The following TRMT5 variants were observed in gnomAD, a reference collection of about 807,000 sequenced individuals.
TRMT5 encodes the protein tRNA (guanine(37)-N(1))-methyltransferase.
TRMT5 carries 31 observed loss-of-function variants against 42.2 expected under a neutral mutation model. The ratio of observed to expected loss-of-function variants is 0.73; its 90% CI spans 0.55 to 0.99. The LOEUF is 0.99. Among genes scored for constraint, TRMT5 ranks in the 50% least tolerant of loss-of-function variants. The pLI, the probability that TRMT5 is intolerant of heterozygous loss-of-function variation, is 0.00. For synonymous variants in TRMT5, 198 were observed against 209.6 expected, an observed-to-expected ratio of 0.94 and a Z score of 0.48; for missense variants, 568 against 595.0, an observed-to-expected ratio of 0.95 and a Z score of 0.47.
chr14:60,977,721 G>T, intron 2 of TRMT5, 83 bp from the exon 3 acceptor site: 2 of 1,355,674 alleles, frequency 1.5e-6, no homozygotes, highest in Non-Finnish European at 2.0e-6. Context: ...ACAGAAATGA[G>T]TTGTATTTCT....
chr14:60,979,452 T>A lies in TRMT5; in HGVS notation c.446A>T (p.Asp149Val), dbSNP rs1173547085. ...ACTGAGTTCTGCTTTCTCAAAGGAATCATGAGTAAATATTTTATAGGGATC... is the reference window on the plus strand; with the variant it reads ...ACTGAGTTCTGCTTTCTCAAAGGAAACATGAGTAAATATTTTATAGGGATC... ...MLDPYKIFTH[D>V]SFEKAELSVL... The change falls in exon 2 of 5, where the codon GAT becomes GTT. Residue 149 changes from aspartate to valine, a missense_variant. Transcript: ENST00000261249. 3.1e-6 allele frequency: 5 copies of A among 1,614,214 alleles called. No homozygotes were observed. The highest frequency in any genetic ancestry group is 4.2e-6 in the Non-Finnish European group (5 of 1,180,020).
At position 60,974,532 on chromosome 14, in the gene TRMT5, A is replaced by G. The variant is rs921182966; in HGVS notation, c.*577T>C. 6.6e-6 allele frequency: 1 copy of G among 152,256 alleles called. No individual in the cohort carries two copies. The highest frequency in any genetic ancestry group is 6.5e-5 in the Admixed American group (1 of 15,284). 9.4% of individuals were successfully genotyped at this position (152,256 alleles called of 1,614,324 possible). A position where few individuals can be genotyped will look rare whatever the true frequency, so the allele number is the denominator to read the frequency against. The stretch of plus-strand genomic sequence containing the variant: ...GAAACTCTTAATTTCATACAATTCT[A>G]ATTTTTAAAACTGATACATAATAGA... On this transcript the variant is annotated 3_prime_UTR_variant, in exon 5 of 5. Transcript: ENST00000261249.
upstream of TRMT5, chr14:60,981,356 G>T (rs768889619): frequency 1.9e-6 from 3 of 1,607,758 alleles, no homozygotes; most frequent in Non-Finnish European, 2.5e-6. Context: ...AGCGGAGGCC[G>T]AAGAGTTGAG....
At position 60,972,603 on chromosome 14, in the gene TRMT5, A is replaced by G. The variant is rs759892360; in HGVS notation, c.*2506T>C. 102 of 331,782 alleles carry G rather than the reference A, an allele frequency of 3.1e-4. No homozygotes were observed. Among genetic ancestry groups the G allele is most frequent in the Non-Finnish European group, 2.9e-4 (50 of 171,134 alleles). The allele number at this position is 331,782 out of a possible 1,614,324, so 20.6% of individuals were successfully genotyped here. On this transcript the variant is annotated 3_prime_UTR_variant, in exon 5 of 5. Coordinates refer to ENST00000261249, the MANE Select transcript of TRMT5 (RefSeq NM_020810.3). ...GCTTTTTTAATTGACAAAATTCAAA[A>G]TATAGCCCAATTTTTTGTAATGCCT...
At chr14:60,977,174 A>T (rs1377155555) in intron 3 of TRMT5, among the ~76,000 whole-genome samples, 3 of 152,150 alleles carry the variant, frequency 2.0e-5, no homozygotes, top group Non-Finnish European at 2.9e-5. Context: ...ATATCTCGAG[A>T]ACTATTTTAT....
chr14:60,981,612 G>C, upstream of TRMT5: 1 of 1,480,400 alleles, frequency 6.8e-7, no homozygotes, highest in Non-Finnish European at 9.0e-7. Flanking sequence ...AAAGCGTCGG[G>C]TGGAAGAGAT....
Position 60,981,040 on chromosome 14 carries a change from G to T in TRMT5, c.-67C>A. On this transcript the variant is annotated 5_prime_UTR_variant, in exon 1 of 5. Transcript: ENST00000261249. ...ACCCCTCACCTCCCGCTCCGGTACCGATCGGATGTGGGTCGCGGGTGGATG... is the reference window on the plus strand; with the variant it reads ...ACCCCTCACCTCCCGCTCCGGTACCTATCGGATGTGGGTCGCGGGTGGATG... 1 of 1,609,614 alleles carries T rather than the reference G, an allele frequency of 6.2e-7. No individual in the cohort carries two copies.
chr14:60,979,629 A>C lies in TRMT5; in HGVS notation c.269T>G (p.Phe90Cys). 2.5e-6 allele frequency: 4 copies of C among 1,614,096 alleles called. No individual in the cohort carries two copies. Among genetic ancestry groups the C allele is most frequent in the East Asian group, 2.2e-5 (1 of 44,872 alleles). The change falls in exon 2 of 5, where the codon TTT (phenylalanine) becomes TGT (cysteine). Residue 90 changes from phenylalanine to cysteine, a missense_variant. Physicochemically the swap from Phe to Cys is radical, Grantham distance 205. Coordinates refer to ENST00000261249, the MANE Select transcript of TRMT5 (RefSeq NM_020810.3). The stretch of plus-strand genomic sequence containing the variant: ...CACTGGAATGTTGACTGTCTTTTTA[A>C]AAGCTGTTCTATCAAGTTTTGTCAT... ...RGMTKLDRTA[F>C]KKTVNIPVLK...
At chr14:60,978,636 G>A (rs555034323) in intron 2 of TRMT5, among the ~76,000 whole-genome samples, 1 of 152,260 alleles carries the variant, frequency 6.6e-6, no homozygotes, top group African/African-American at 2.4e-5. Context: ...AATGCCAGAG[G>A]AATGTTTGAG....
rs201910810 is a variant in TRMT5, at chr14:60,972,466, TGGCGGC to T, written c.*2637_*2642del. The T allele has an allele frequency of 2.4e-4, 119 of 490,292 alleles. 1 individual carries two copies. Among genetic ancestry groups the T allele is most frequent in the African/African-American group, 8.5e-4 (43 of 50,752 alleles). 30.4% of individuals were successfully genotyped at this position (490,292 alleles called of 1,614,324 possible). ...TCCCCTTCAGTCTTTCTCTTGGGCA[TGGCGGC>T]GGCGGCGGCGGCGGGATGTGGGCAC... On this transcript the variant is annotated 3_prime_UTR_variant, in exon 5 of 5. Coordinates refer to ENST00000261249, the MANE Select transcript of TRMT5 (RefSeq NM_020810.3).
At chr14:60,981,413 G>A (rs2037005424), upstream of TRMT5, 1 of 1,558,828 alleles carries the variant, frequency 6.4e-7, no homozygotes, top group Non-Finnish European at 8.7e-7. Context: ...TCCCCGCGCT[G>A]ACGCCCTCCG....
chr14:60,981,015 A>C lies in TRMT5; in HGVS notation c.-42T>G, dbSNP rs2036966737. 1 of 1,610,908 alleles carries C rather than the reference A, an allele frequency of 6.2e-7. No homozygotes were observed. The highest frequency in any genetic ancestry group is 8.5e-7 in the Non-Finnish European group (1 of 1,179,990). ...GCTCTGCAGCTGGATCCGCGAGCCG[A>C]CCCCTCACCTCCCGCTCCGGTACCG... On this transcript the variant is annotated 5_prime_UTR_variant, in exon 1 of 5. Transcript: ENST00000261249.
At chr14:60,975,311 C>T (rs1372869794) in intron 4 of TRMT5, 117 bp from the exon 5 acceptor site, 1 of 1,306,156 alleles carries the variant, frequency 7.7e-7, no homozygotes, top group African/African-American at 1.5e-5. Context: ...AAATAACATT[C>T]TTGCAGATTT....
chr14:60,981,527 C>G (rs1337382137), upstream of TRMT5: 1 of 1,532,456 alleles, frequency 6.5e-7, no homozygotes, highest in Admixed American at 2.0e-5. Context: ...CTGAAGGCAG[C>G]CGCCGAGATT....
At chr14:60,977,486 C>T (rs1381208874) in intron 3 of TRMT5, 28 bp downstream of exon 3, 1 of 1,582,508 alleles carries the variant, frequency 6.3e-7, no homozygotes, top group Non-Finnish European at 8.6e-7. Flanking sequence ...TATTGATATA[C>T]ACCTTACTTG....
chr14:60,975,641 G>C lies in TRMT5; in HGVS notation c.1278C>G (p.Asn426Lys). ...CCCTTTGCCGAACATCCTCAGCAGG[G>C]TTAGCATCTTTGGAAAAGCTATAAC... ...VHCYSFSKDANPAEDVRQRAG... is the reference protein window; with the variant it reads ...VHCYSFSKDAKPAEDVRQRAG... Residue 426 changes from asparagine (N) to lysine (K), a missense_variant, in exon 4 of 5, where the codon AAC becomes AAG. Coordinates refer to ENST00000261249, the MANE Select transcript of TRMT5 (RefSeq NM_020810.3). The C allele has an allele frequency of 6.2e-7, 1 of 1,614,200 alleles. No individual in the cohort carries two copies. The highest frequency in any genetic ancestry group is 8.5e-7 in the Non-Finnish European group (1 of 1,180,036).
At position 60,972,148 on chromosome 14, in the gene TRMT5, A is replaced by G. The variant is rs1323538784; in HGVS notation, c.*2961T>C. On this transcript the variant is annotated 3_prime_UTR_variant, in exon 5 of 5. Coordinates refer to ENST00000261249, the MANE Select transcript of TRMT5 (RefSeq NM_020810.3). ...CTGTGTGCTAACAACATAGCTTAAAAAAAGTAAAACAAAATTCTGCATTTT... is the reference window on the plus strand; with the variant it reads ...CTGTGTGCTAACAACATAGCTTAAAGAAAGTAAAACAAAATTCTGCATTTT... 1.0e-5 allele frequency: 4 copies of G among 396,448 alleles called. No individual in the cohort carries two copies. The highest frequency in any genetic ancestry group is 7.9e-5 in the South Asian group (4 of 50,924). The allele number at this position is 396,448 out of a possible 1,614,324, so 24.6% of individuals were successfully genotyped here. A position where few individuals can be genotyped will look rare whatever the true frequency, so the allele number is the denominator to read the frequency against.
In TRMT5 at chr14:60,979,400, T is replaced by G. The variant is rs779418550; in HGVS notation, c.498A>C (p.Pro166=). 1.3e-5 allele frequency: 21 copies of G among 1,614,186 alleles called. No homozygotes were observed. The East Asian group carries it at 2.2e-4, about 17-fold the overall frequency. The change falls in exon 2 of 5, where the codon CCA becomes CCC. Residue 166 remains proline, a synonymous_variant. Transcript: ENST00000261249. The stretch of plus-strand genomic sequence containing the variant: ...GTTCCAAATTGTATTTAGAGATCTG[T>G]GGACTGACATTAAGCTGCTCTAAAA... The part of the protein sequence containing the change: ...LSVLEQLNVS[P]QISKYNLELT...
upstream of TRMT5, chr14:60,981,197 G>C (rs1594932614): frequency 6.5e-7 from 1 of 1,539,334 alleles, no homozygotes; most frequent in East Asian, 2.4e-5. Flanking sequence ...TCAAAGCTCC[G>C]CCTCTGGCGC....
Sources: gnomAD v4.1 joint callset for allele counts (sites outside exome capture counted in the v4.1 genomes callset) on GRCh38, gnomAD v4.1.1 for gene constraint, MANE v1.5 for transcripts, NCBI Gene and HGNC (gene_info 2026-07-23, HGNC 2026-07-21) for gene names.